Variants in BCAT1 observed in about 807,000 individuals in gnomAD.
The protein encoded by BCAT1 is branched chain amino acid transaminase 1.
BCAT1 carries 48 observed loss-of-function variants against 52.4 expected under a neutral mutation model. The observed-to-expected ratio is 0.92, with a 90% confidence interval of 0.73 to 1.16. BCAT1 has a LOEUF of 1.16. Ranked by LOEUF, BCAT1 falls within the 50% of genes most tolerant of loss-of-function variation. BCAT1 has a pLI of 0.00. For missense variants in BCAT1, 451 were observed against 457.1 expected, an observed-to-expected ratio of 0.99 and a Z score of 0.12; for synonymous variants, 167 against 161.3, an observed-to-expected ratio of 1.04 and a Z score of -0.27.
At chr12:24,874,441 T>C (rs1217481014) in intron 5 of BCAT1, among the ~76,000 whole-genome samples, 1 of 152,216 alleles carries the variant, frequency 6.6e-6, no homozygotes, top group Non-Finnish European at 1.5e-5. Flanking sequence ...CCTAATTATA[T>C]GGCAGTGACT....
intron 1 of BCAT1, among the ~76,000 whole-genome samples, chr12:24,935,922 C>G (rs1943747090): frequency 6.6e-6 from 1 of 152,212 alleles, no homozygotes; most frequent in Non-Finnish European, 1.5e-5. Context: ...TTCTGCCAAC[C>G]TTCTACAATG....
chr12:24,887,100 T>A (rs1360009916), intron 3 of BCAT1, among the ~76,000 whole-genome samples: 4 of 102,504 alleles, frequency 3.9e-5, no homozygotes, highest in South Asian at 3.3e-4. Flanking sequence ...TATATATATA[T>A]ATATATATAT....
chr12:24,943,739 C>T lies in BCAT1; in HGVS notation c.6+5188G>A, dbSNP rs572473322. On this transcript the variant is annotated intron_variant, in intron 1 of 10. Coordinates refer to ENST00000261192, the MANE Select transcript of BCAT1 (RefSeq NM_005504.7). ...GTGGCTCACGCCTGTAATCCCAGCA[C>T]CTTGGGTGGCCGAGGCGGGCAGATC... 6.2e-4 allele frequency among the ~76,000 whole-genome samples: 94 copies of T among 152,256 alleles called. No homozygotes were observed. The East Asian group carries it at 0.016, about 26-fold the overall frequency.
At position 24,864,453 on chromosome 12, in the gene BCAT1, A is replaced by G. The variant is rs117467686; in HGVS notation, c.510+14077T>C. Among the ~76,000 whole-genome samples, 520 of 152,330 alleles carry G rather than the reference A, an allele frequency of 3.4e-3. 1 individual carries two copies. The highest frequency in any genetic ancestry group is 5.7e-3 in the Non-Finnish European group (385 of 68,020). On this transcript the variant is annotated intron_variant, in intron 5 of 10. Transcript: ENST00000261192. ...CTCACACCAAGACACTATGGTGTCA[A>G]TGGAGCAGTATGTGTGTGACCGTGC...
In BCAT1 at chr12:24,811,110, G is replaced by A. The variant is rs1338126203; in HGVS notation, c.*6898C>T. On this transcript the variant is annotated 3_prime_UTR_variant, in exon 11 of 11. Coordinates refer to ENST00000261192, the MANE Select transcript of BCAT1 (RefSeq NM_005504.7). ...TTTACTACAGATAAATCCATAACCA[G>A]GGGAAGGAAGAATTTTTAAATGCCC... is the stretch of plus-strand genomic sequence containing the variant. The A allele has an allele frequency of 1.3e-5, 2 of 152,106 alleles. No individual in the cohort carries two copies. Among genetic ancestry groups the A allele is most frequent in the Non-Finnish European group, 2.9e-5 (2 of 68,012 alleles). The allele number at this position is 152,106 out of a possible 1,614,324, so 9.4% of individuals were successfully genotyped here.
intron 6 of BCAT1, 46 bp from the exon 7 acceptor site, chr12:24,842,270 C>T (rs1678573790): frequency 6.3e-7 from 1 of 1,599,212 alleles, no homozygotes; most frequent in Non-Finnish European, 8.6e-7. Flanking sequence ...ACTTCATCCC[C>T]ACTCCCTCAT....
chr12:24,851,254 T>C (rs1226073666), intron 5 of BCAT1, among the ~76,000 whole-genome samples: 1 of 152,182 alleles, frequency 6.6e-6, no homozygotes, highest in East Asian at 1.9e-4. Context: ...TGGATAGGAA[T>C]GGGGATCTGT....
intron 1 of BCAT1, among the ~76,000 whole-genome samples, chr12:24,924,362 C>T (rs1037821794): frequency 1.3e-5 from 2 of 152,178 alleles, no homozygotes; most frequent in Non-Finnish European, 2.9e-5. Flanking sequence ...GATATTTACA[C>T]AGTCTCAAAG....
At chr12:24,937,064 C>G (rs1435099473) in intron 1 of BCAT1, among the ~76,000 whole-genome samples, 1 of 152,136 alleles carries the variant, frequency 6.6e-6, no homozygotes, top group Non-Finnish European at 1.5e-5. Context: ...ACTGGATATG[C>G]TCTCTGCTCT....
intron 7 of BCAT1, among the ~76,000 whole-genome samples, chr12:24,841,670 A>C (rs1941177373): frequency 6.6e-6 from 1 of 152,202 alleles, no homozygotes; most frequent in South Asian, 2.1e-4. Flanking sequence ...TGGGAGGCCA[A>C]GGCCGGTGGA....
At chr12:24,832,947 A>G (rs901528788) in intron 8 of BCAT1, 84 bp from the exon 9 acceptor site, 41 of 1,348,544 alleles carry the variant, frequency 3.0e-5, no homozygotes, top group Admixed American at 4.7e-5. Flanking sequence ...TCTGCTTAAC[A>G]TTCTGATTGC....
chr12:24,911,940 G>A (rs532399381), intron 1 of BCAT1, among the ~76,000 whole-genome samples: 1 of 152,300 alleles, frequency 6.6e-6, no homozygotes, highest in African/African-American at 2.4e-5. Context: ...CTTCTGAAAG[G>A]AGAAATTAAT....
At chr12:24,869,884 T>A (rs978255461) in intron 5 of BCAT1, among the ~76,000 whole-genome samples, 1 of 152,238 alleles carries the variant, frequency 6.6e-6, no homozygotes, top group Non-Finnish European at 1.5e-5. Context: ...TTTATAGGTG[T>A]GTAATTTGTT....
At chr12:24,942,000 G>A (rs927526436) in intron 1 of BCAT1, among the ~76,000 whole-genome samples, 4 of 152,128 alleles carry the variant, frequency 2.6e-5, no homozygotes, top group South Asian at 2.1e-4. Flanking sequence ...GATTTTAAAC[G>A]GTCTCATGCA....
chr12:24,876,274 A>AG (rs1353678354), intron 5 of BCAT1, among the ~76,000 whole-genome samples: 4 of 150,916 alleles, frequency 2.7e-5, no homozygotes, highest in South Asian at 4.1e-4. Flanking sequence ...AAAAAAAAAA[A>AG]AAAAGAAAGA....
chr12:24,827,728 G>A (rs1034050417), intron 10 of BCAT1, among the ~76,000 whole-genome samples: 1 of 152,188 alleles, frequency 6.6e-6, no homozygotes, highest in African/African-American at 2.4e-5. Flanking sequence ...GGAGGCAGGG[G>A]TTGCAGTGAG....
rs148174068 is a variant in BCAT1, at chr12:24,944,085, C to A, written c.6+4842G>T. 3.5e-3 allele frequency among the ~76,000 whole-genome samples: 531 copies of A among 152,256 alleles called. 2 individuals are homozygous for A. Among genetic ancestry groups the A allele is most frequent in the Non-Finnish European group, 5.2e-3 (356 of 68,010 alleles). ...TCTTGCCTCAAACCTGCATGTGTTT[C>A]TTCTATAAACACCAGCACTATTCTT... On this transcript the variant is annotated intron_variant, in intron 1 of 10. Transcript: ENST00000261192.
rs2060175282 is a variant in BCAT1, at chr12:24,816,606, A to T, written c.*1402T>A. On this transcript the variant is annotated 3_prime_UTR_variant, in exon 11 of 11. Transcript: ENST00000261192. The stretch of plus-strand genomic sequence containing the variant: ...GTTTTCTACCAAAAAAAAAAAAAAA[A>T]GATTTATTTCTGCAATTAACACTTG... The T allele has an allele frequency of 2.5e-6, 1 of 396,190 alleles. No homozygotes were observed. The highest frequency in any genetic ancestry group is 4.4e-6 in the Non-Finnish European group (1 of 224,972). 24.5% of individuals were successfully genotyped at this position (396,190 alleles called of 1,614,324 possible). A position where few individuals can be genotyped will look rare whatever the true frequency, so the allele number is the denominator to read the frequency against.
At position 24,818,071 on chromosome 12, in the gene BCAT1, G is replaced by A. The variant is rs141021317; in HGVS notation, c.1120-22C>T. The A allele has an allele frequency of 6.3e-5, 101 of 1,611,610 alleles. No individual in the cohort carries two copies. The East Asian group carries it at 1.4e-3, about 22-fold the overall frequency. ...CATACTGCAACAAAAGCAAGAAAAC[G>A]TGTTTCAGTACAGAAGCTAACAGGG... On this transcript the variant is annotated intron_variant, in intron 10 of 10. Transcript: ENST00000261192.
Sources: allele counts gnomAD v4.1 joint callset (sites outside exome capture counted in the v4.1 genomes callset), GRCh38; gene constraint gnomAD v4.1.1; transcripts MANE v1.5; gene names NCBI Gene and HGNC (gene_info 2026-07-23, HGNC 2026-07-21).